The following CPPED1 variants were observed in gnomAD, a reference collection of about 807,000 sequenced individuals.
CPPED1 encodes serine/threonine-protein phosphatase CPPED1.
Under a neutral mutation model 28.0 loss-of-function variants are expected in CPPED1, and 28 were observed. The ratio of observed to expected loss-of-function variants is 1.00; its 90% confidence interval spans 0.74 to 1.37. The LOEUF is 1.37. CPPED1 is among the 40% of genes most tolerant of loss of function. CPPED1 has a pLI of 0.00. For missense variants in CPPED1, 504 were observed against 416.5 expected (o/e 1.21, Z -1.83); for synonymous variants, 198 against 180.2 (o/e 1.10, Z -0.79).
chr16:12,707,478 T>TTCTC (rs2080057574), intron 2 of CPPED1, among the ~76,000 whole-genome samples: 1 of 152,162 alleles, frequency 6.6e-6, no homozygotes, highest in Admixed American at 6.5e-5. Flanking sequence ...TCAGGATGAC[T>TTCTC]TCTCCTGGCT....
chr16:12,731,278 C>A (rs531490226), intron 2 of CPPED1, among the ~76,000 whole-genome samples: 6 of 151,504 alleles, frequency 4.0e-5, no homozygotes, highest in Middle Eastern at 3.4e-3. Context: ...CTCAGCCTCC[C>A]GAGTAGCTGG....
intron 3 of CPPED1, among the ~76,000 whole-genome samples, chr16:12,679,954 A>G (rs1359357841): frequency 6.6e-6 from 1 of 152,206 alleles, no homozygotes; most frequent in Non-Finnish European, 1.5e-5. Flanking sequence ...AGAAGAGACT[A>G]AAAGTCATCA....
At chr16:12,751,207 G>A (rs368436840) in intron 2 of CPPED1, among the ~76,000 whole-genome samples, 3 of 152,204 alleles carry the variant, frequency 2.0e-5, no homozygotes, top group African/African-American at 7.2e-5. Context: ...AATGTTCTCA[G>A]GGAGAGGTGG....
At chr16:12,684,426 G>C (rs890789189) in intron 3 of CPPED1, among the ~76,000 whole-genome samples, 2 of 152,114 alleles carry the variant, frequency 1.3e-5, no homozygotes, top group African/African-American at 4.8e-5. Context: ...TTAGGATCCT[G>C]ATCAAACACA....
intron 2 of CPPED1, 98 bp downstream of exon 2, chr16:12,781,087 C>A: frequency 2.9e-6 from 3 of 1,031,384 alleles, no homozygotes; most frequent in Middle Eastern, 2.9e-4. Flanking sequence ...CATGACTGAG[C>A]AAAGATGCCT....
chr16:12,730,171 T>G (rs546051434), intron 2 of CPPED1, among the ~76,000 whole-genome samples: 1 of 152,116 alleles, frequency 6.6e-6, no homozygotes, highest in African/African-American at 2.4e-5. Context: ...TAATTTTTTT[T>G]AAAATTTTTT....
In CPPED1 at chr16:12,734,058, G is replaced by GTTTTTTTT. The variant is rs71142517; in HGVS notation, c.290-29017_290-29010dup. Among the ~76,000 whole-genome samples the GTTTTTTTT allele has an allele frequency of 7.8e-4, 50 of 64,424 alleles. 8 individuals carry two copies. The highest frequency in any genetic ancestry group is 2.7e-3 in the African/African-American group (32 of 11,722). The allele number at this position is 64,424 out of a possible 152,430, so 42.3% of individuals were successfully genotyped here. On this transcript the variant is annotated intron_variant, in intron 2 of 3. Transcript: ENST00000381774. ...CTTTGTCTCTGTTTTCAAATTACAC[G>GTTTTTTTT]TTTTTTTTTTTTTTTTTTTTTTTTT...
chr16:12,765,656 T>A lies in CPPED1; in HGVS notation c.289+15529A>T, dbSNP rs887631769. Among the ~76,000 whole-genome samples, 12 of 152,332 alleles carry A rather than the reference T, an allele frequency of 7.9e-5. No individual in the cohort carries two copies. The South Asian group carries it at 2.5e-3, about 32-fold the overall frequency. On this transcript the variant is annotated intron_variant, in intron 2 of 3. Transcript: ENST00000381774. ...AATAATATATAAAGAAAGAAGGGAATGGTAAATTTTTTCTACAAACCAAAT... is the reference window on the plus strand; with the variant it reads ...AATAATATATAAAGAAAGAAGGGAAAGGTAAATTTTTTCTACAAACCAAAT...
At chr16:12,696,614 T>C (rs7205056) in intron 3 of CPPED1, among the ~76,000 whole-genome samples, 8,214 of 151,934 alleles carry the variant, frequency 0.054, 782 homozygotes, top group African/African-American at 0.19. Context: ...ACTAATTTTT[T>C]GTATTTTTAG....
In CPPED1 at chr16:12,709,973, G is replaced by A. The variant is rs563433194; in HGVS notation, c.290-4924C>T. On this transcript the variant is annotated intron_variant, in intron 2 of 3. Transcript: ENST00000381774. The surrounding 1 kb of genome is among the most constrained non-coding windows in gnomAD (Gnocchi z 4.4). Reference sequence around the variant, plus strand: ...AAGGAAAGAAGGGAAGGAAGGCAAGGAAGGAAGGAAGGGAAGAGAAGAGAA... The same window carrying A: ...AAGGAAAGAAGGGAAGGAAGGCAAGAAAGGAAGGAAGGGAAGAGAAGAGAA... Among the ~76,000 whole-genome samples the A allele has an allele frequency of 8.7e-5, 13 of 149,442 alleles. No individual in the cohort carries two copies. The highest frequency in any genetic ancestry group is 3.4e-4 in the Admixed American group (5 of 14,922).
At chr16:12,739,405 C>G (rs2080242893) in intron 2 of CPPED1, among the ~76,000 whole-genome samples, 1 of 152,060 alleles carries the variant, frequency 6.6e-6, no homozygotes, top group Non-Finnish European at 1.5e-5. Flanking sequence ...CATGGTGAAA[C>G]TCTGTCTCTA....
intron 2 of CPPED1, among the ~76,000 whole-genome samples, chr16:12,727,238 C>T (rs1048967652): frequency 6.6e-6 from 1 of 152,110 alleles, no homozygotes; most frequent in East Asian, 1.9e-4. Context: ...TGGCTGGTGG[C>T]AACAGGCATT....
chr16:12,786,103 A>C (rs1263565246), intron 1 of CPPED1, among the ~76,000 whole-genome samples: 1 of 152,226 alleles, frequency 6.6e-6, no homozygotes, highest in East Asian at 1.9e-4. Flanking sequence ...GGTGAGGGTT[A>C]CCTGACAGCA....
chr16:12,734,831 C>T (rs896521634), intron 2 of CPPED1, among the ~76,000 whole-genome samples: 2 of 152,226 alleles, frequency 1.3e-5, no homozygotes, highest in East Asian at 1.9e-4. Context: ...AGGACTTGCA[C>T]CCCACAAAAA....
At chr16:12,764,031 ATTT>A (rs34298808) in intron 2 of CPPED1, among the ~76,000 whole-genome samples, 34 of 143,266 alleles carry the variant, frequency 2.4e-4, no homozygotes, top group Non-Finnish European at 2.7e-4. Flanking sequence ...TCCCATTTGC[ATTT>A]TTTTTTTTTT....
At chr16:12,710,742 A>G (rs2080075721) in intron 2 of CPPED1, among the ~76,000 whole-genome samples, 1 of 152,224 alleles carries the variant, frequency 6.6e-6, no homozygotes, top group South Asian at 2.1e-4. Flanking sequence ...AAAGGTGCCC[A>G]ACACGACTAC....
intron 2 of CPPED1, among the ~76,000 whole-genome samples, chr16:12,776,471 ATGT>A (rs377457801): frequency 1.3e-3 from 205 of 152,238 alleles, no homozygotes; most frequent in African/African-American, 4.7e-3. Context: ...CAATTCCCAC[ATGT>A]TGTGGAAGGG....
intron 1 of CPPED1, among the ~76,000 whole-genome samples, chr16:12,796,460 A>G (rs2080628257): frequency 6.6e-6 from 1 of 152,134 alleles, no homozygotes; most frequent in Non-Finnish European, 1.5e-5. Flanking sequence ...ATGCCACTGC[A>G]CTCCAGCCTG....
chr16:12,736,494 C>G (rs1001920303), intron 2 of CPPED1, among the ~76,000 whole-genome samples: 3 of 152,138 alleles, frequency 2.0e-5, no homozygotes, highest in African/African-American at 7.2e-5. Context: ...CTGCCTCGGC[C>G]TCCCAAAGGG....
Sources: gnomAD v4.1 joint callset for allele counts (sites outside exome capture counted in the v4.1 genomes callset) on GRCh38, gnomAD v4.1.1 for gene constraint, Gnocchi (gnomAD v3.1) non-coding constraint, MANE v1.5 for transcripts, NCBI Gene and HGNC (gene_info 2026-07-23, HGNC 2026-07-21) for gene names.